MEIS1: variants seen among roughly 807,000 people sequenced by gnomAD.
MEIS1 encodes Meis homeobox 1, also known as homeobox protein Meis1.
Under a neutral mutation model 50.8 loss-of-function variants are expected in MEIS1, and 5 were observed. The observed-to-expected ratio is 0.10, with a 90% confidence interval of 0.05 to 0.21. The LOEUF is 0.21. Ranked by LOEUF, MEIS1 falls within the 10% of genes least tolerant of loss-of-function variation. The pLI is 1.00. For missense variants in MEIS1, 318 were observed against 517.3 expected (o/e 0.61, Z 3.74); for synonymous variants, 176 against 179.3 (o/e 0.98, Z 0.15).
intron 8 of MEIS1, among the ~76,000 whole-genome samples, chr2:66,513,948 T>G (rs774269821): frequency 6.6e-6 from 1 of 152,186 alleles, no homozygotes; most frequent in Non-Finnish European, 1.5e-5. Flanking sequence ...AGATAAGAAG[T>G]GGCAATTGGT....
intron 4 of MEIS1, chr2:66,440,823 G>C: frequency 1.7e-6 from 1 of 572,706 alleles, no homozygotes; most frequent in Non-Finnish European, 3.1e-6. Flanking sequence ...GCGAGCCAGC[G>C]CGGGGAAACG....
chr2:66,466,796 T>C (rs886154379), intron 7 of MEIS1, among the ~76,000 whole-genome samples: 13 of 152,240 alleles, frequency 8.5e-5, no homozygotes, highest in African/African-American at 3.1e-4. Flanking sequence ...TAACTCAATC[T>C]GTCAAGAACA....
intron 9 of MEIS1, among the ~76,000 whole-genome samples, chr2:66,549,336 G>A (rs1674862718): frequency 6.6e-6 from 1 of 151,876 alleles, no homozygotes; most frequent in South Asian, 2.1e-4. Context: ...TTTCATCAGT[G>A]GATGGTAAAC....
chr2:66,543,670 G>T (rs1026865226), intron 8 of MEIS1, among the ~76,000 whole-genome samples: 1 of 152,156 alleles, frequency 6.6e-6, no homozygotes, highest in African/African-American at 2.4e-5. Flanking sequence ...CTACTGCATT[G>T]CCTGGCTCTC....
rs1200184917 is a variant in MEIS1, at chr2:66,435,660, G to C, written c.-197G>C. 2.1e-6 allele frequency: 1 copy of C among 465,168 alleles called. No homozygotes were observed. The highest frequency in any genetic ancestry group is 3.8e-6 in the Non-Finnish European group (1 of 263,200). The allele number at this position is 465,168 out of a possible 1,614,324, so 28.8% of individuals were successfully genotyped here. On this transcript the variant is annotated 5_prime_UTR_variant, in exon 1 of 13. Transcript: ENST00000272369. Reference sequence around the variant, plus strand: ...AGCGCTTTTATGCTCAGTGACTCGGGCGCTTTGCTTCAGGTCCCGTAGACC... The same window carrying C: ...AGCGCTTTTATGCTCAGTGACTCGGCCGCTTTGCTTCAGGTCCCGTAGACC...
chr2:66,518,747 C>T (rs1674034521), intron 8 of MEIS1, among the ~76,000 whole-genome samples: 1 of 152,048 alleles, frequency 6.6e-6, no homozygotes, highest in African/African-American at 2.4e-5. Flanking sequence ...CAATCCAACC[C>T]CTAGGAATTT....
rs183819574 is a variant in MEIS1 at position 66,468,527 on chromosome 2, G to A, written c.742+4307G>A. 9.2e-5 allele frequency among the ~76,000 whole-genome samples: 14 copies of A among 152,304 alleles called. No homozygotes were observed. The South Asian group carries it at 2.3e-3, about 25-fold the overall frequency. ...CCCCTCACTTTTCAAGTGAGGTCAC[G>A]GAGGCTCAGAGCGATAAGGAGACTT... is the stretch of plus-strand genomic sequence containing the variant. On this transcript the variant is annotated intron_variant, in intron 7 of 12. Transcript: ENST00000272369.
At chr2:66,442,536 AC>A (rs1573121886) in intron 5 of MEIS1, among the ~76,000 whole-genome samples, 1 of 152,170 alleles carries the variant, frequency 6.6e-6, no homozygotes, top group East Asian at 1.9e-4. Flanking sequence ...TTTTTCTTAG[AC>A]ACATTAGAAA....
At chr2:66,498,664 A>T (rs1673470520) in intron 7 of MEIS1, among the ~76,000 whole-genome samples, 1 of 152,144 alleles carries the variant, frequency 6.6e-6, no homozygotes, top group African/African-American at 2.4e-5. Flanking sequence ...GCGCAGCTAC[A>T]GTCTTCCTGG....
rs540323756 is a variant in MEIS1 at position 66,435,542 on chromosome 2, TTTTCTTTC to T, written c.-303_-296del. 5.3e-6 allele frequency: 2 copies of T among 378,358 alleles called. No individual in the cohort carries two copies. The highest frequency in any genetic ancestry group is 9.2e-6 in the Non-Finnish European group (2 of 216,800). The allele number at this position is 378,358 out of a possible 1,614,324, so 23.4% of individuals were successfully genotyped here. A position where few individuals can be genotyped will look rare whatever the true frequency, so the allele number is the denominator to read the frequency against. On this transcript the variant is annotated 5_prime_UTR_variant, in exon 1 of 13. Coordinates refer to ENST00000272369, the MANE Select transcript of MEIS1 (RefSeq NM_002398.3). ...GTCTGAGGGGCGCTCTTTTTTTTCC[TTTTCTTTC>T]TTTCTTTCTTTTTTTTTTTTTAAAC...
chr2:66,519,302 T>A (rs765280146), intron 8 of MEIS1, among the ~76,000 whole-genome samples: 6 of 152,188 alleles, frequency 3.9e-5, no homozygotes, highest in Non-Finnish European at 8.8e-5. Flanking sequence ...AAAAAAATAT[T>A]TGATTGACGC....
chr2:66,531,906 A>G (rs1674401346), intron 8 of MEIS1, among the ~76,000 whole-genome samples: 4 of 151,976 alleles, frequency 2.6e-5, no homozygotes, highest in Admixed American at 1.3e-4. Context: ...GTTGTATACT[A>G]GAGTTTGGTA....
chr2:66,439,403 T>C, intron 2 of MEIS1: 1 of 1,248,400 alleles, frequency 8.0e-7, no homozygotes, highest in Non-Finnish European at 1.0e-6. Flanking sequence ...GAGCCTGGGC[T>C]TCGCGCGGCC....
chr2:66,435,698 C>T lies in MEIS1; in HGVS notation c.-159C>T. ...GGTCCCGTAGACCGAAGATCTGGGA[C>T]CAGTAGCTCACGTTGCTGGAGACGT... On this transcript the variant is annotated 5_prime_UTR_variant, in exon 1 of 13. Coordinates refer to ENST00000272369, the MANE Select transcript of MEIS1 (RefSeq NM_002398.3). The T allele has an allele frequency of 1.6e-6, 1 of 616,554 alleles. No individual in the cohort carries two copies. The highest frequency in any genetic ancestry group is 2.7e-6 in the Non-Finnish European group (1 of 371,866). 38.2% of individuals were successfully genotyped at this position (616,554 alleles called of 1,614,324 possible). A position where few individuals can be genotyped will look rare whatever the true frequency, so the allele number is the denominator to read the frequency against.
At chr2:66,441,085 C>A (rs984063140) in intron 4 of MEIS1, 1 of 361,554 alleles carries the variant, frequency 2.8e-6, no homozygotes, top group Non-Finnish European at 4.9e-6. Flanking sequence ...CTGTCCACTC[C>A]TTCCAAGGAC....
chr2:66,532,790 G>C (rs549800628), intron 8 of MEIS1, among the ~76,000 whole-genome samples: 1 of 152,158 alleles, frequency 6.6e-6, no homozygotes, highest in African/African-American at 2.4e-5. Context: ...CAGGTTTGAT[G>C]TGAGCTACAG....
At chr2:66,560,873 G>A (rs1378310014) in intron 9 of MEIS1, among the ~76,000 whole-genome samples, 2 of 152,100 alleles carry the variant, frequency 1.3e-5, no homozygotes, top group African/African-American at 4.8e-5. Context: ...CACTGATGAT[G>A]TATTGCAATC....
In MEIS1 at chr2:66,561,843, G is replaced by A. The variant is rs147857994; in HGVS notation, c.966-5610G>A. Among the ~76,000 whole-genome samples the A allele has an allele frequency of 6.9e-3, 1,054 of 152,196 alleles. 10 individuals are homozygous for A. Among genetic ancestry groups the A allele is most frequent in the South Asian group, 0.012 (57 of 4,810 alleles). ...TAGTTGGCAAGAAACACGACGGGGG[G>A]TGAAGCAGAGCCATGTCATTGTTTG... is the stretch of plus-strand genomic sequence containing the variant. On this transcript the variant is annotated intron_variant, in intron 9 of 12. Coordinates refer to ENST00000272369, the MANE Select transcript of MEIS1 (RefSeq NM_002398.3).
intron 7 of MEIS1, among the ~76,000 whole-genome samples, chr2:66,493,154 C>T (rs573132329): frequency 1.1e-4 from 17 of 152,318 alleles, no homozygotes; most frequent in Admixed American, 3.9e-4. Flanking sequence ...ATATCAGCTG[C>T]TATACGGTAA....
Sources: gnomAD v4.1 joint callset for allele counts (sites outside exome capture counted in the v4.1 genomes callset) on GRCh38, gnomAD v4.1.1 for gene constraint, MANE v1.5 for transcripts, NCBI Gene and HGNC (gene_info 2026-07-23, HGNC 2026-07-21) for gene names.